STAB2: variants seen among roughly 807,000 people sequenced by gnomAD.
The protein encoded by STAB2 is stabilin 2, also known as stabilin-2.
In STAB2, 288 loss-of-function variants were observed where a neutral mutation model predicts 338.1. That is an observed-to-expected ratio of 0.85 (90% confidence interval 0.77 to 0.94). The LOEUF (loss-of-function observed/expected upper bound fraction) is 0.94. STAB2 is among the 40% of genes least tolerant of loss of function. The pLI is 0.00. For synonymous variants in STAB2, 1,202 were observed against 1,193.3 expected (o/e 1.01, Z -0.15); for missense variants, 3,141 against 3,210.1 (o/e 0.98, Z 0.52).
At chr12:103,692,363 G>T (rs1006946808) in intron 30 of STAB2, among the ~76,000 whole-genome samples, 1 of 150,628 alleles carries the variant, frequency 6.6e-6, no homozygotes, top group African/African-American at 2.4e-5. Flanking sequence ...GAGGTACTAG[G>T]GGTTAGGATT....
In STAB2 at chr12:103,695,748, G is replaced by A; in HGVS notation, c.3486G>A (p.Leu1162=). 1 of 1,613,934 alleles carries A rather than the reference G, an allele frequency of 6.2e-7. No individual in the cohort carries two copies. The highest frequency in any genetic ancestry group is 1.3e-5 in the African/African-American group (1 of 74,936). The change falls in exon 33 of 69, where the codon CTG becomes CTA. Residue 1162 remains leucine (L), a synonymous_variant. Transcript: ENST00000388887. The part of the protein sequence containing the change: ...IFRGYIIQYN[L]ANAIEAADAY... Reference sequence around the variant, plus strand: ...TCTTTCCATCGCAGCAATATAATCTGGCGAATGCAATTGAGGCTGCCGATG... The same window carrying A: ...TCTTTCCATCGCAGCAATATAATCTAGCGAATGCAATTGAGGCTGCCGATG...
Position 103,622,191 on chromosome 12 carries a change from A to AT in STAB2, c.487+80_487+81insT, listed in dbSNP as rs1400790044. 1.2e-5 allele frequency: 17 copies of AT among 1,437,046 alleles called. No homozygotes were observed. The Admixed American group carries it at 3.0e-4, about 25-fold the overall frequency. 89.0% of individuals were successfully genotyped at this position (1,437,046 alleles called of 1,614,324 possible). ...AAAGATTGCTCCTTGAGGAGAAAAC[A>AT]CTGAATAGTTATGTGTGATAAAAAA... is the stretch of plus-strand genomic sequence containing the variant. On this transcript the variant is annotated intron_variant, in intron 5 of 68. Transcript: ENST00000388887.
At chr12:103,665,354 G>C (rs903184) in intron 18 of STAB2, among the ~76,000 whole-genome samples, 83,689 of 151,988 alleles carry the variant, frequency 0.55, 24,288 homozygotes, top group East Asian at 0.8. Flanking sequence ...TATGGTCTCT[G>C]CAAGAAACAG....
chr12:103,637,458 C>T (rs896727727), intron 7 of STAB2, among the ~76,000 whole-genome samples: 1 of 152,166 alleles, frequency 6.6e-6, no homozygotes, highest in Non-Finnish European at 1.5e-5. Flanking sequence ...TTCCATATCA[C>T]CTTAATCAAT....
At chr12:103,626,278 T>G (rs1197447300) in intron 5 of STAB2, among the ~76,000 whole-genome samples, 1 of 152,210 alleles carries the variant, frequency 6.6e-6, no homozygotes, top group African/African-American at 2.4e-5. Context: ...CTTAATATCA[T>G]TTAATTCAAA....
At chr12:103,638,531 G>A (rs1281939741) in intron 8 of STAB2, among the ~76,000 whole-genome samples, 1 of 152,226 alleles carries the variant, frequency 6.6e-6, no homozygotes, top group Non-Finnish European at 1.5e-5. Context: ...TTGAACATAT[G>A]ATTGACTTTT....
At chr12:103,661,896 G>A (rs866335768) in intron 17 of STAB2, among the ~76,000 whole-genome samples, 2 of 152,122 alleles carry the variant, frequency 1.3e-5, no homozygotes, top group African/African-American at 4.8e-5. Context: ...GAGGAGGAGA[G>A]TGGGGGTCAG....
intron 64 of STAB2, among the ~76,000 whole-genome samples, chr12:103,758,839 A>C (rs1180412854): frequency 6.6e-6 from 1 of 152,182 alleles, no homozygotes; most frequent in Non-Finnish European, 1.5e-5. Context: ...CGACAGCCCC[A>C]CCAGCCACCT....
At chr12:103,697,112 C>T (rs963806975) in intron 33 of STAB2, among the ~76,000 whole-genome samples, 24 of 152,314 alleles carry the variant, frequency 1.6e-4, no homozygotes, top group African/African-American at 5.8e-4. Flanking sequence ...TGTCCAGTCC[C>T]ACCTCCTCAG....
intron 21 of STAB2, among the ~76,000 whole-genome samples, chr12:103,670,074 A>T (rs1399310697): frequency 6.6e-6 from 1 of 152,238 alleles, no homozygotes; most frequent in Non-Finnish European, 1.5e-5. Context: ...TGGAGGCAAA[A>T]GTAGCTGTGG....
intron 19 of STAB2, among the ~76,000 whole-genome samples, chr12:103,667,328 G>A (rs1875206024): frequency 6.6e-6 from 1 of 152,226 alleles, no homozygotes; most frequent in African/African-American, 2.4e-5. Context: ...GTGTCACAGT[G>A]ATTGCTGTGT....
At chr12:103,606,718 C>G (rs1957033471) in intron 3 of STAB2, among the ~76,000 whole-genome samples, 1 of 152,152 alleles carries the variant, frequency 6.6e-6, no homozygotes, top group Admixed American at 6.6e-5. Context: ...GGCATGGTGG[C>G]TCATACCTGT....
At chr12:103,628,415 C>T (rs1230889509) in intron 5 of STAB2, among the ~76,000 whole-genome samples, 1 of 152,200 alleles carries the variant, frequency 6.6e-6, no homozygotes, top group East Asian at 1.9e-4. Context: ...ACTCAGTAAT[C>T]AAGACCAATA....
At chr12:103,709,888 C>T (rs1045342166) in intron 39 of STAB2, among the ~76,000 whole-genome samples, 2 of 152,156 alleles carry the variant, frequency 1.3e-5, no homozygotes, top group African/African-American at 4.8e-5. Context: ...CCTCTTCTTG[C>T]TTTCTCTACT....
intron 45 of STAB2, among the ~76,000 whole-genome samples, chr12:103,725,629 G>A (rs1490970372): frequency 6.6e-6 from 1 of 151,796 alleles, no homozygotes; most frequent in Non-Finnish European, 1.5e-5. Context: ...TGTGCATGCA[G>A]GTGCATATGT....
Position 103,751,729 on chromosome 12 carries a change from T to C in STAB2, c.6580+1009T>C, listed in dbSNP as rs373800661. 1.8e-4 allele frequency among the ~76,000 whole-genome samples: 28 copies of C among 152,342 alleles called. No individual in the cohort carries two copies. The East Asian group carries it at 3.1e-3, about 17-fold the overall frequency. On this transcript the variant is annotated intron_variant, in intron 60 of 68. Coordinates refer to ENST00000388887, the MANE Select transcript of STAB2 (RefSeq NM_017564.10). Reference sequence around the variant, plus strand: ...CACAGTTCATTCAGCCTGTCCCACCTGTTCCCAAAGCCCACTTCCAAGTGG... The same window carrying C: ...CACAGTTCATTCAGCCTGTCCCACCCGTTCCCAAAGCCCACTTCCAAGTGG...
intron 3 of STAB2, among the ~76,000 whole-genome samples, chr12:103,607,468 T>C (rs1957048690): frequency 1.3e-5 from 2 of 152,080 alleles, no homozygotes; most frequent in African/African-American, 4.8e-5. Context: ...ACGTGTGCCA[T>C]GTTGGTGTGT....
intron 8 of STAB2, 112 bp from the exon 9 acceptor site, chr12:103,640,010 AG>A: frequency 1.5e-6 from 2 of 1,328,478 alleles, no homozygotes; most frequent in Non-Finnish European, 2.0e-6. Context: ...TCCACACTTC[AG>A]ACATACTCTG....
In STAB2 at chr12:103,622,348, CA is replaced by C. The variant is rs11432116; in HGVS notation, c.487+244del. 7.6e-3 allele frequency among the ~76,000 whole-genome samples: 1,150 copies of C among 151,976 alleles called. 19 individuals are homozygous for C. The highest frequency in any genetic ancestry group is 0.027 in the African/African-American group (1,102 of 41,432). On this transcript the variant is annotated intron_variant, in intron 5 of 68. Coordinates refer to ENST00000388887, the MANE Select transcript of STAB2 (RefSeq NM_017564.10). Reference sequence around the variant, plus strand: ...CATGTGATGAAAGAAGATTTATAGACAAAAAAAGGGAAATGACATACAGCAA... The same window carrying C: ...CATGTGATGAAAGAAGATTTATAGACAAAAAAGGGAAATGACATACAGCAA...
Sources: gnomAD v4.1 joint callset for allele counts (sites outside exome capture counted in the v4.1 genomes callset) on GRCh38, gnomAD v4.1.1 for gene constraint, MANE v1.5 for transcripts, NCBI Gene and HGNC (gene_info 2026-07-23, HGNC 2026-07-21) for gene names.